Variants in ZNF407 observed in about 807,000 individuals in gnomAD.
ZNF407 encodes the protein zinc finger protein 407.
ZNF407 carries 17 observed loss-of-function variants against 131.2 expected under a neutral mutation model. The observed-to-expected ratio is 0.13, with a 90% CI of 0.09 to 0.19. ZNF407 has a LOEUF of 0.19. ZNF407 is among the 10% of genes least tolerant of loss of function. ZNF407 has a pLI of 1.00. For missense variants in ZNF407, 2,681 were observed against 2,830.6 expected, an observed-to-expected ratio of 0.95 and a Z score of 1.20; for synonymous variants, 1,156 against 1,062.0, an observed-to-expected ratio of 1.09 and a Z score of -1.72.
At chr18:74,891,077 A>T (rs1971378420) in intron 7 of ZNF407, among the ~76,000 whole-genome samples, 1 of 152,206 alleles carries the variant, frequency 6.6e-6, no homozygotes, top group African/African-American at 2.4e-5. Context: ...AGGCTAAATC[A>T]TCCTCTCAAG....
At chr18:74,714,879 AT>A (rs895014917) in intron 3 of ZNF407, among the ~76,000 whole-genome samples, 3 of 151,694 alleles carry the variant, frequency 2.0e-5, no homozygotes, top group African/African-American at 7.3e-5. Flanking sequence ...AAGTTGGTAA[AT>A]TTTTTTTGCT....
rs1984178924 is a variant in ZNF407, at chr18:74,632,621, G to C, written c.1602G>C (p.Gly534=). ...CGTTGTGTGCTTGTACAGACTGTGGGCAAGTAGCTACAAATAGGACAGATT... is the reference window on the plus strand; with the variant it reads ...CGTTGTGTGCTTGTACAGACTGTGGCCAAGTAGCTACAAATAGGACAGATT... ...SQTLCACTDC[G]QVATNRTDLE... Residue 534 remains glycine, a synonymous_variant, in exon 2 of 9, where the codon GGG becomes GGC. Coordinates refer to ENST00000299687, the MANE Select transcript of ZNF407 (RefSeq NM_017757.3). 6.2e-7 allele frequency: 1 copy of C among 1,613,910 alleles called. No homozygotes were observed. Among genetic ancestry groups the C allele is most frequent in the South Asian group, 1.1e-5 (1 of 91,090 alleles).
intron 1 of ZNF407, among the ~76,000 whole-genome samples, chr18:74,629,620 A>G (rs1983956892): frequency 1.3e-5 from 2 of 152,144 alleles, no homozygotes; most frequent in Admixed American, 6.5e-5. Flanking sequence ...CATTATAAGC[A>G]TATTTTTGTT....
At chr18:74,790,728 T>C (rs1045442492) in intron 4 of ZNF407, among the ~76,000 whole-genome samples, 2 of 152,228 alleles carry the variant, frequency 1.3e-5, no homozygotes, top group East Asian at 1.9e-4. Context: ...TACAGTTTCA[T>C]TATACAGTAC....
chr18:75,034,205 C>T (rs1973278121), intron 8 of ZNF407, among the ~76,000 whole-genome samples: 2 of 151,736 alleles, frequency 1.3e-5, no homozygotes, highest in African/African-American at 4.8e-5. Flanking sequence ...ATTCTCAGTA[C>T]ATTTGGTAAG....
At chr18:74,740,414 T>C (rs1968521778) in intron 3 of ZNF407, among the ~76,000 whole-genome samples, 1 of 152,210 alleles carries the variant, frequency 6.6e-6, no homozygotes. Flanking sequence ...AGGTAACGTT[T>C]ACAGGTTCCA....
At chr18:74,962,092 CTTGT>C (rs977002602) in intron 8 of ZNF407, among the ~76,000 whole-genome samples, 1 of 152,078 alleles carries the variant, frequency 6.6e-6, no homozygotes, top group East Asian at 1.9e-4. Context: ...AGTAATGATG[CTTGT>C]TTTTTATTTT....
rs34141917 is a variant in ZNF407, at chr18:74,635,125, G to T, written c.4106G>T (p.Gly1369Val). 2 of 1,613,852 alleles carry T rather than the reference G, an allele frequency of 1.2e-6. No homozygotes were observed. Among genetic ancestry groups the T allele is most frequent in the African/African-American group, 2.7e-5 (2 of 74,922 alleles). ...ATAAGAATAAAGAACCCTGAAGATGGTGAGTTGATAGACCAGTCTGAAGAG... is the reference window on the plus strand; with the variant it reads ...ATAAGAATAAAGAACCCTGAAGATGTTGAGTTGATAGACCAGTCTGAAGAG... ...SIIRIKNPEDGELIDQSEEGL... is the reference protein window; with the variant it reads ...SIIRIKNPEDVELIDQSEEGL... The change falls in exon 2 of 9, where the codon GGT (glycine) becomes GTT (valine). Residue 1369 changes from glycine (G) to valine (V), a missense_variant. Transcript: ENST00000299687. This position sits in a 1 kb window ranked among gnomAD's most constrained non-coding sequence, Gnocchi z 4.7.
Position 74,633,482 on chromosome 18 carries a change from G to T in ZNF407, c.2463G>T (p.Leu821=), listed in dbSNP as rs770984493. The part of the protein sequence containing the change: ...LEKGMLASEE[L]SQSGGSTKDD... ...AGGGCATGCTGGCGTCTGAGGAACTGTCACAGTCTGGTGGTAGCACCAAAG... is the reference window on the plus strand; with the variant it reads ...AGGGCATGCTGGCGTCTGAGGAACTTTCACAGTCTGGTGGTAGCACCAAAG... The change falls in exon 2 of 9, where the codon CTG becomes CTT. Residue 821 remains leucine (L), a synonymous_variant. Transcript: ENST00000299687. 2 of 1,614,012 alleles carry T rather than the reference G, an allele frequency of 1.2e-6. No homozygotes were observed. Among genetic ancestry groups the T allele is most frequent in the Non-Finnish European group, 1.7e-6 (2 of 1,179,880 alleles).
At position 75,063,737 on chromosome 18, in the gene ZNF407, G is replaced by T; in HGVS notation, c.6016G>T (p.Ala2006Ser). ...TGAATTAGGGGAGGTGGAGGGCAGG[G>T]CTGGGCTCGAGGAGCAAGGCAGGCC... ...VTELGEVEGR[A>S]GLEEQGRPGA... Residue 2006 changes from alanine (A) to serine (S), a missense_variant, in exon 9 of 9, where the codon GCT (alanine) becomes TCT (serine). Physicochemically the swap from Ala to Ser is moderately conservative, Grantham distance 99. Transcript: ENST00000299687. This position sits in a 1 kb window ranked among gnomAD's most constrained non-coding sequence, Gnocchi z 6.6. The T allele has an allele frequency of 1.2e-6, 2 of 1,612,158 alleles. No individual in the cohort carries two copies.
chr18:74,857,795 A>G (rs892662037), intron 4 of ZNF407, among the ~76,000 whole-genome samples: 9 of 152,110 alleles, frequency 5.9e-5, no homozygotes, highest in South Asian at 2.1e-4. Context: ...ATATTTGGTT[A>G]TATTTTATGT....
At chr18:74,832,724 T>C (rs1349503358) in intron 4 of ZNF407, among the ~76,000 whole-genome samples, 8 of 152,232 alleles carry the variant, frequency 5.3e-5, no homozygotes, top group African/African-American at 1.9e-4. Context: ...TTCTAAACTT[T>C]CATCAATAGT....
chr18:74,712,593 AG>A (rs1436890151), intron 3 of ZNF407, among the ~76,000 whole-genome samples: 1 of 152,178 alleles, frequency 6.6e-6, no homozygotes. Context: ...CCATGAGAGG[AG>A]GCTGTCTCCC....
At chr18:75,003,743 C>T (rs1157782901) in intron 8 of ZNF407, among the ~76,000 whole-genome samples, 2 of 152,180 alleles carry the variant, frequency 1.3e-5, no homozygotes, top group African/African-American at 4.8e-5. Context: ...ACTCTAAGTA[C>T]AGATACTGTG....
intron 8 of ZNF407, among the ~76,000 whole-genome samples, chr18:74,936,790 C>A (rs757629278): frequency 9.2e-5 from 14 of 152,208 alleles, no homozygotes; most frequent in African/African-American, 2.7e-4. Context: ...GTCATATGAA[C>A]TTTCTTTAAT....
intron 8 of ZNF407, among the ~76,000 whole-genome samples, chr18:74,991,280 C>A (rs554872641): frequency 5.3e-5 from 8 of 152,226 alleles, no homozygotes; most frequent in Non-Finnish European, 1.2e-4. Context: ...TGTGTGCACA[C>A]ACTTCGATTT....
intron 3 of ZNF407, among the ~76,000 whole-genome samples, chr18:74,731,009 G>T (rs2144894920): frequency 6.6e-6 from 1 of 152,234 alleles, no homozygotes; most frequent in East Asian, 1.9e-4. Flanking sequence ...TTCACTGACT[G>T]TTCAGACTTA....
At chr18:74,992,753 C>T (rs910619082) in intron 8 of ZNF407, among the ~76,000 whole-genome samples, 21 of 143,846 alleles carry the variant, frequency 1.5e-4, no homozygotes, top group Admixed American at 1.1e-3. Flanking sequence ...AGAAGTCTCA[C>T]AGTGATTTTT....
chr18:74,995,699 G>T (rs1972772731), intron 8 of ZNF407, among the ~76,000 whole-genome samples: 1 of 152,156 alleles, frequency 6.6e-6, no homozygotes, highest in Non-Finnish European at 1.5e-5. Context: ...GGGTGACAAT[G>T]CTGGGCCCTT....
Sources: allele counts gnomAD v4.1 joint callset (sites outside exome capture counted in the v4.1 genomes callset), GRCh38; gene constraint gnomAD v4.1.1; non-coding constraint Gnocchi (gnomAD v3.1); transcripts MANE v1.5; gene names NCBI Gene and HGNC (gene_info 2026-07-23, HGNC 2026-07-21).